SHROOM4: variants seen among roughly 807,000 people sequenced by gnomAD.
SHROOM4 encodes shroom family member 4.
SHROOM4 carries 17 observed loss-of-function variants against 80.3 expected under a neutral mutation model. That is an observed-to-expected ratio of 0.21 (90% confidence interval 0.14 to 0.32). The LOEUF is 0.32. Among genes scored for constraint, SHROOM4 ranks in the 10% least tolerant of loss-of-function variants. SHROOM4 has a pLI of 1.00. For missense variants in SHROOM4, 993 were observed against 1,140.3 expected (o/e 0.87, Z 1.86); for synonymous variants, 400 against 437.5 (o/e 0.91, Z 1.07).
At chrX:50,656,959 T>C (rs953500918) in intron 2 of SHROOM4, among the ~76,000 whole-genome samples, 8 of 111,345 alleles carry the variant, frequency 7.2e-5, no homozygotes, top group South Asian at 3.7e-4. Flanking sequence ...TTATAGTTTT[T>C]AGTATACAGA....
At chrX:50,786,010 C>A (rs1196411593) in intron 1 of SHROOM4, among the ~76,000 whole-genome samples, 2 of 111,507 alleles carry the variant, frequency 1.8e-5, no homozygotes, top group African/African-American at 3.3e-5. Context: ...AAAATATAGA[C>A]AAATTCCCTT....
chrX:50,704,222 A>G (rs1341735879), intron 1 of SHROOM4, among the ~76,000 whole-genome samples: 1 of 112,054 alleles, frequency 8.9e-6, no homozygotes, highest in East Asian at 2.8e-4. Flanking sequence ...TAAAGAGGAC[A>G]TATCAATTCA....
intron 1 of SHROOM4, among the ~76,000 whole-genome samples, chrX:50,811,135 C>T (rs1308199030): frequency 9.1e-6 from 1 of 109,583 alleles, no homozygotes; most frequent in African/African-American, 3.3e-5. Flanking sequence ...TGGTGAAATA[C>T]AAAAATACAA....
intron 1 of SHROOM4, among the ~76,000 whole-genome samples, chrX:50,806,910 A>G (rs1402574014): frequency 8.9e-6 from 1 of 112,360 alleles, no homozygotes; most frequent in East Asian, 2.8e-4. Flanking sequence ...TCCCAAGAAT[A>G]TCTTCTATAA....
intron 1 of SHROOM4, among the ~76,000 whole-genome samples, chrX:50,765,441 T>C (rs1216142356): frequency 2.7e-5 from 3 of 111,914 alleles, no homozygotes; most frequent in East Asian, 5.6e-4. Flanking sequence ...CTTTATTCCA[T>C]CAAGTACCAG....
chrX:50,812,670 G>A (rs781965133), intron 1 of SHROOM4, among the ~76,000 whole-genome samples: 2 of 111,434 alleles, frequency 1.8e-5, no homozygotes, highest in African/African-American at 3.3e-5. Flanking sequence ...GGCGAATGCC[G>A]CACAGGTTAT....
chrX:50,686,320 T>TCCCCG lies in SHROOM4; in HGVS notation c.269+9461_269+9465dup, dbSNP rs201751342. 4.3e-3 allele frequency among the ~76,000 whole-genome samples: 474 copies of TCCCCG among 110,260 alleles called. 7 individuals carry two copies. The highest frequency in any genetic ancestry group is 0.033 in the Admixed American group (339 of 10,338). On this transcript the variant is annotated intron_variant, in intron 2 of 8. Transcript: ENST00000376020. The stretch of plus-strand genomic sequence containing the variant: ...AAAGTGCTGGGATTACAGGCGTGAG[T>TCCCCG]CCCCGCGCCTGGCCGGATGAAGTTT...
intron 2 of SHROOM4, among the ~76,000 whole-genome samples, chrX:50,677,280 G>A (rs1303509859): frequency 9.0e-6 from 1 of 111,540 alleles, no homozygotes; most frequent in African/African-American, 3.2e-5. Flanking sequence ...GATTTGGGAT[G>A]AGCTGATAAA....
intron 2 of SHROOM4, among the ~76,000 whole-genome samples, chrX:50,653,732 T>C (rs955774261): frequency 5.4e-5 from 6 of 111,913 alleles, no homozygotes; most frequent in African/African-American, 1.9e-4. Context: ...TATTTTGAGA[T>C]GTTTCATCAA....
Position 50,717,672 on chromosome X carries a change from T to G in SHROOM4, c.118-21735A>C, listed in dbSNP as rs990007615. ...CATTTACATCACTTCCACCAGATAG[T>G]CCTTCAGCCCACTTAAAAAGACTCC... On this transcript the variant is annotated intron_variant, in intron 1 of 8. Coordinates refer to ENST00000376020, the MANE Select transcript of SHROOM4 (RefSeq NM_020717.5). 3.6e-5 allele frequency among the ~76,000 whole-genome samples: 4 copies of G among 111,287 alleles called. No individual in the cohort carries two copies. In the Admixed American group the frequency reaches 3.8e-4, roughly 11 times the overall value.
At chrX:50,761,564 A>G (rs1359098582) in intron 1 of SHROOM4, among the ~76,000 whole-genome samples, 20 of 110,413 alleles carry the variant, frequency 1.8e-4, no homozygotes, top group African/African-American at 5.6e-4. Context: ...GGCCACATGT[A>G]TATCTTCTTT....
At chrX:50,691,429 G>A (rs782026852) in intron 2 of SHROOM4, among the ~76,000 whole-genome samples, 1 of 111,575 alleles carries the variant, frequency 9.0e-6, no homozygotes, top group African/African-American at 3.3e-5. Context: ...GAGACTGAAA[G>A]CTGAGAAGCC....
intron 1 of SHROOM4, among the ~76,000 whole-genome samples, chrX:50,809,771 A>C (rs1231998393): frequency 8.9e-6 from 1 of 112,033 alleles, no homozygotes; most frequent in African/African-American, 3.2e-5. Context: ...ATGAGCCTAC[A>C]TATCATCAGA....
chrX:50,801,505 A>G (rs782674153), intron 1 of SHROOM4, among the ~76,000 whole-genome samples: 2 of 111,563 alleles, frequency 1.8e-5, no homozygotes, highest in South Asian at 7.6e-4. Context: ...TAGTGGCTAG[A>G]TGGGGAGAGG....
intron 1 of SHROOM4, among the ~76,000 whole-genome samples, chrX:50,759,464 C>T (rs782171279): frequency 8.9e-6 from 1 of 112,061 alleles, no homozygotes; most frequent in African/African-American, 3.2e-5. Flanking sequence ...TATGGCAGTG[C>T]TAGCAAACGA....
At chrX:50,720,929 G>A (rs1358821481) in intron 1 of SHROOM4, among the ~76,000 whole-genome samples, 1 of 112,040 alleles carries the variant, frequency 8.9e-6, no homozygotes, top group African/African-American at 3.2e-5. Context: ...AGAATATGAA[G>A]CGAGAGCAAC....
chrX:50,596,654 A>T lies in SHROOM4; in HGVS notation c.*41T>A. ...ACAAAGAAGATTGAAAGCACTTCCCACATGGCTGGGCAGGGATGCTGTGGC... is the reference window on the plus strand; with the variant it reads ...ACAAAGAAGATTGAAAGCACTTCCCTCATGGCTGGGCAGGGATGCTGTGGC... On this transcript the variant is annotated 3_prime_UTR_variant, in exon 9 of 9. Coordinates refer to ENST00000376020, the MANE Select transcript of SHROOM4 (RefSeq NM_020717.5). 1 of 1,203,766 alleles carries T rather than the reference A, an allele frequency of 8.3e-7. No homozygotes were observed. Among genetic ancestry groups the T allele is most frequent in the Non-Finnish European group, 1.1e-6 (1 of 894,196 alleles).
chrX:50,583,272 A>G (rs1165954605), downstream of SHROOM4, among the ~76,000 whole-genome samples: 7 of 110,161 alleles, frequency 6.4e-5, no homozygotes, highest in Admixed American at 6.9e-4. Flanking sequence ...TCCCCACCCT[A>G]TAGGTAGAGT....
At chrX:50,786,199 C>T (rs1276633891) in intron 1 of SHROOM4, among the ~76,000 whole-genome samples, 1 of 111,849 alleles carries the variant, frequency 8.9e-6, no homozygotes, top group Non-Finnish European at 1.9e-5. Context: ...AGGAGTTAGA[C>T]CACATGTCCA....
Sources: gnomAD v4.1 joint callset for allele counts (sites outside exome capture counted in the v4.1 genomes callset) on GRCh38, gnomAD v4.1.1 for gene constraint, MANE v1.5 for transcripts, NCBI Gene and HGNC (gene_info 2026-07-23, HGNC 2026-07-21) for gene names.